The following PCDHA12 variants were observed in gnomAD, a reference collection of about 807,000 sequenced individuals.
PCDHA12 encodes protocadherin alpha 12.
PCDHA12 carries 44 observed loss-of-function variants against 60.0 expected under a neutral mutation model. That is an observed-to-expected ratio of 0.73 (90% CI 0.58 to 0.94). PCDHA12 has a LOEUF of 0.94. Among genes scored for constraint, PCDHA12 ranks in the 40% least tolerant of loss-of-function variants. The probability of loss-of-function intolerance (pLI) is 0.00; values close to 1 mark genes in which losing one functional copy is unlikely to be tolerated. For synonymous variants in PCDHA12, 569 were observed against 553.0 expected (o/e 1.03, Z -0.40); for missense variants, 1,276 against 1,239.7 (o/e 1.03, Z -0.44).
intron 1 of PCDHA12, among the ~76,000 whole-genome samples, chr5:140,964,379 C>T (rs2095828218): frequency 6.6e-6 from 1 of 152,130 alleles, no homozygotes; most frequent in Non-Finnish European, 1.5e-5. Flanking sequence ...AAAGGAGAGT[C>T]CTGGTTTTTC....
chr5:140,917,710 G>T (rs2078316558), intron 1 of PCDHA12, among the ~76,000 whole-genome samples: 3 of 152,132 alleles, frequency 2.0e-5, no homozygotes. Flanking sequence ...TTGTAGGTGT[G>T]CAGCTTTATT....
intron 1 of PCDHA12, among the ~76,000 whole-genome samples, chr5:140,893,393 C>T (rs1358613018): frequency 6.6e-6 from 1 of 152,144 alleles, no homozygotes; most frequent in Non-Finnish European, 1.5e-5. Context: ...TGGCTCATGC[C>T]TGTAATCCCA....
chr5:140,986,106 G>A (rs2097187379), intron 3 of PCDHA12, among the ~76,000 whole-genome samples: 2 of 152,116 alleles, frequency 1.3e-5, no homozygotes, highest in Non-Finnish European at 2.9e-5. Context: ...AAAAGCCTAA[G>A]ATAAAGATGC....
intron 1 of PCDHA12, among the ~76,000 whole-genome samples, chr5:140,977,826 T>C (rs1554238818): frequency 1.3e-5 from 2 of 152,208 alleles, no homozygotes; most frequent in Admixed American, 6.5e-5. Flanking sequence ...TTTTGAATGG[T>C]CTATTGATAT....
intron 1 of PCDHA12, among the ~76,000 whole-genome samples, chr5:140,910,641 C>G (rs1270893523): frequency 6.6e-6 from 1 of 152,206 alleles, no homozygotes; most frequent in Non-Finnish European, 1.5e-5. Context: ...CTCCCTAAAC[C>G]TTTTGATCCC....
chr5:140,888,754 C>CT lies in PCDHA12; in HGVS notation c.2367+10925dup, dbSNP rs782694187. Reference sequence around the variant, plus strand: ...TGAGCTCTAGGAATTATTCTACCCACTTTTTTTTTTAATTTTGAAGGGATA... The same window carrying CT: ...TGAGCTCTAGGAATTATTCTACCCACTTTTTTTTTTTAATTTTGAAGGGATA... On this transcript the variant is annotated intron_variant, in intron 1 of 3. Transcript: ENST00000398631. 7.0e-3 allele frequency among the ~76,000 whole-genome samples: 1,040 copies of CT among 148,666 alleles called. 3 individuals are homozygous for CT. The highest frequency in any genetic ancestry group is 0.038 in the Middle Eastern group (11 of 290).
intron 1 of PCDHA12, among the ~76,000 whole-genome samples, chr5:140,910,646 G>T (rs1490115049): frequency 6.6e-6 from 1 of 152,158 alleles, no homozygotes; most frequent in Non-Finnish European, 1.5e-5. Flanking sequence ...TAAACCTTTT[G>T]ATCCCTTCCT....
In PCDHA12 at chr5:140,965,644, G is replaced by C. The variant is rs201197561; in HGVS notation, c.2368-13305G>C. On this transcript the variant is annotated intron_variant, in intron 1 of 3. Transcript: ENST00000398631. Reference sequence around the variant, plus strand: ...AAAGAAAAAATTTTAAATTACTCTTGAAAGAAAATGTCTTGGGTGATAAAT... The same window carrying C: ...AAAGAAAAAATTTTAAATTACTCTTCAAAGAAAATGTCTTGGGTGATAAAT... Among the ~76,000 whole-genome samples, 13 of 152,146 alleles carry C rather than the reference G, an allele frequency of 8.5e-5. No individual in the cohort carries two copies. The East Asian group carries it at 2.5e-3, about 29-fold the overall frequency.
At chr5:140,993,577 T>A (rs1215999612) in intron 3 of PCDHA12, among the ~76,000 whole-genome samples, 1 of 151,978 alleles carries the variant, frequency 6.6e-6, no homozygotes, top group African/African-American at 2.4e-5. Flanking sequence ...CTAGGGATGC[T>A]TTTCTTGGCT....
intron 1 of PCDHA12, chr5:140,927,857 G>A: frequency 6.2e-7 from 1 of 1,614,172 alleles, no homozygotes; most frequent in African/African-American, 1.3e-5. Context: ...GGTTTAGCTA[G>A]CACCGCTAAA....
intron 1 of PCDHA12, among the ~76,000 whole-genome samples, chr5:140,977,477 A>G (rs919582107): frequency 4.6e-5 from 7 of 152,230 alleles, no homozygotes. Flanking sequence ...AGATAATTTT[A>G]TGCTATGTTA....
intron 1 of PCDHA12, among the ~76,000 whole-genome samples, chr5:140,977,149 G>A (rs1484811068): frequency 6.6e-6 from 1 of 152,198 alleles, no homozygotes; most frequent in Non-Finnish European, 1.5e-5. Flanking sequence ...TGCTGGAACT[G>A]TGCCTTTCAG....
intron 1 of PCDHA12, among the ~76,000 whole-genome samples, chr5:140,945,500 T>A (rs2093799104): frequency 6.6e-6 from 1 of 152,046 alleles, no homozygotes; most frequent in South Asian, 2.1e-4. Flanking sequence ...CAAAGCAATA[T>A]TGAGCAAAGT....
chr5:140,876,740 T>G lies in PCDHA12; in HGVS notation c.1268T>G (p.Leu423Arg), dbSNP rs782650836. The change falls in exon 1 of 4, where the codon CTG (leucine) becomes CGG (arginine). Residue 423 changes from leucine (L) to arginine (R), a missense_variant. Physicochemically the swap from Leu to Arg is moderately radical, Grantham distance 102. Transcript: ENST00000398631. The part of the protein sequence containing the change: ...LDRESVSAYE[L>R]VVTARDGGSP... ...CGCGAGAGCGTGTCGGCCTATGAGC[T>G]GGTGGTGACTGCGCGGGATGGGGGC... 2 of 1,614,236 alleles carry G rather than the reference T, an allele frequency of 1.2e-6. No individual in the cohort carries two copies. Among genetic ancestry groups the G allele is most frequent in the East Asian group, 4.5e-5 (2 of 44,882 alleles).
intron 1 of PCDHA12, among the ~76,000 whole-genome samples, chr5:140,947,190 C>T (rs1292127049): frequency 6.6e-6 from 1 of 151,120 alleles, no homozygotes; most frequent in Non-Finnish European, 1.5e-5. Flanking sequence ...TGGTATACTA[C>T]ACAGCCTTAA....
chr5:140,969,363 C>T, intron 1 of PCDHA12: 2 of 1,610,732 alleles, frequency 1.2e-6, no homozygotes, highest in Non-Finnish European at 8.5e-7. Context: ...CTTCTACAAA[C>T]TCATGCATTT....
intron 1 of PCDHA12, among the ~76,000 whole-genome samples, chr5:140,946,530 C>T (rs2093957873): frequency 6.6e-6 from 1 of 150,514 alleles, no homozygotes; most frequent in African/African-American, 2.5e-5. Context: ...CTCCCATGTT[C>T]ATTGCAGCAT....
intron 1 of PCDHA12, among the ~76,000 whole-genome samples, chr5:140,897,765 C>T (rs1305140331): frequency 6.6e-6 from 1 of 152,216 alleles, no homozygotes; most frequent in Admixed American, 6.5e-5. Flanking sequence ...AATCGCCACA[C>T]TGACTTCCAC....
intron 3 of PCDHA12, among the ~76,000 whole-genome samples, chr5:141,002,613 A>G (rs1587992392): frequency 1.3e-5 from 2 of 152,206 alleles, no homozygotes; most frequent in African/African-American, 4.8e-5. Context: ...AAACAGACAC[A>G]TAACACAGAC....
Sources: allele counts gnomAD v4.1 joint callset (sites outside exome capture counted in the v4.1 genomes callset), GRCh38; gene constraint gnomAD v4.1.1; transcripts MANE v1.5; gene names NCBI Gene and HGNC (gene_info 2026-07-23, HGNC 2026-07-21).